Variants in ADGRL2 observed in about 807,000 individuals in gnomAD.
ADGRL2 encodes the protein calcium-independent alpha-latrotoxin receptor 2.
Under a neutral mutation model 157.4 loss-of-function variants are expected in ADGRL2, and 44 were observed. The observed-to-expected ratio is 0.28, with a 90% CI of 0.22 to 0.36. The LOEUF (loss-of-function observed/expected upper bound fraction) is 0.36. ADGRL2 is among the 10% of genes least tolerant of loss of function. ADGRL2 has a pLI of 1.00. For synonymous variants in ADGRL2, 585 were observed against 624.7 expected (o/e 0.94, Z 0.95); for missense variants, 1,510 against 1,768.9 (o/e 0.85, Z 2.63).
At chr1:81,883,994 C>CT (rs11330228) in intron 2 of ADGRL2, among the ~76,000 whole-genome samples, 5 of 145,138 alleles carry the variant, frequency 3.4e-5, no homozygotes, top group South Asian at 2.2e-4. Flanking sequence ...ATGAAATTGT[C>CT]TTTTTTTTTT....
intron 1 of ADGRL2, among the ~76,000 whole-genome samples, chr1:81,396,918 A>T (rs2076664873): frequency 6.6e-6 from 1 of 152,080 alleles, no homozygotes; most frequent in Admixed American, 6.6e-5. Flanking sequence ...TCTATCAGGG[A>T]TGTTGGCCTC....
intron 3 of ADGRL2, among the ~76,000 whole-genome samples, chr1:81,646,810 A>G (rs990036712): frequency 2.6e-5 from 4 of 152,168 alleles, no homozygotes; most frequent in Non-Finnish European, 5.9e-5. Flanking sequence ...AGGCCCTGCC[A>G]TGCCAGCCTC....
chr1:81,914,716 C>G (rs1291105998), intron 3 of ADGRL2, among the ~76,000 whole-genome samples: 1 of 152,168 alleles, frequency 6.6e-6, no homozygotes. Flanking sequence ...TACTAATTCT[C>G]TCACTCGTGG....
At position 81,630,785 on chromosome 1, in the gene ADGRL2, G is replaced by A. The variant is rs113883082; in HGVS notation, c.-143+49805G>A. Reference sequence around the variant, plus strand: ...GCAATCATAAAAATAATTATATGAAGTGGCAAAAACCCTGTCAACTATGCT... The same window carrying A: ...GCAATCATAAAAATAATTATATGAAATGGCAAAAACCCTGTCAACTATGCT... On this transcript the variant is annotated intron_variant, in intron 3 of 24. Coordinates refer to the ADGRL2 transcript ENST00000370721. 5.8e-3 allele frequency among the ~76,000 whole-genome samples: 880 copies of A among 152,220 alleles called. 4 individuals carry two copies. The highest frequency in any genetic ancestry group is 0.014 in the Middle Eastern group (4 of 294).
intron 1 of ADGRL2, among the ~76,000 whole-genome samples, chr1:81,801,538 CTG>C (rs1378266264): frequency 5.3e-5 from 8 of 152,366 alleles, no homozygotes; most frequent in Admixed American, 1.3e-4. Context: ...CTCCCCTCCG[CTG>C]CTGTGTGTGG....
intron 2 of ADGRL2, among the ~76,000 whole-genome samples, chr1:81,867,833 C>T (rs796798884): frequency 1.3e-5 from 2 of 151,976 alleles, no homozygotes; most frequent in Admixed American, 6.6e-5. Context: ...GATTTTATTT[C>T]GTTTTCTGTT....
At chr1:81,945,342 T>C (rs1449440430) in intron 6 of ADGRL2, among the ~76,000 whole-genome samples, 2 of 152,132 alleles carry the variant, frequency 1.3e-5, no homozygotes, top group East Asian at 3.8e-4. Context: ...GTTAACCTTT[T>C]TGTAGCCTGT....
chr1:81,639,222 C>A (rs1031892576), intron 3 of ADGRL2, among the ~76,000 whole-genome samples: 2 of 151,458 alleles, frequency 1.3e-5, no homozygotes, highest in African/African-American at 4.8e-5. Flanking sequence ...AGGCACCCAC[C>A]ACTATGCCTG....
chr1:81,337,849 C>T (rs1411918981), intron 1 of ADGRL2, among the ~76,000 whole-genome samples: 1 of 152,070 alleles, frequency 6.6e-6, no homozygotes, highest in Non-Finnish European at 1.5e-5. Context: ...GTTAAGTGCA[C>T]TTTGAATTCT....
chr1:81,516,705 G>A (rs2148128681), intron 2 of ADGRL2, among the ~76,000 whole-genome samples: 1 of 152,348 alleles, frequency 6.6e-6, no homozygotes, highest in African/African-American at 2.4e-5. Context: ...TGAGTAACTA[G>A]GAAATGCAAT....
intron 2 of ADGRL2, among the ~76,000 whole-genome samples, chr1:81,776,858 T>C (rs1179961961): frequency 6.6e-6 from 1 of 152,160 alleles, no homozygotes; most frequent in Non-Finnish European, 1.5e-5. Flanking sequence ...CTCAGACTCA[T>C]TTTTCTTATC....
At position 81,990,882 on chromosome 1, in the gene ADGRL2, A is replaced by G; in HGVS notation, c.4147A>G (p.Thr1383Ala). ...LQSPNRDSLY[T>A]SMPNLRDSPY... ...GTCCCCCAACAGAGACTCTCTTTATACAAGCATGCCCAATCTTAGAGACTC... is the reference window on the plus strand; with the variant it reads ...GTCCCCCAACAGAGACTCTCTTTATGCAAGCATGCCCAATCTTAGAGACTC... Residue 1383 changes from threonine to alanine, a missense_variant, in exon 24 of 24, where the codon ACA becomes GCA. By Grantham distance (58) the Thr-to-Ala change is moderately conservative. This residue lies in a region of ADGRL2 where 327 missense variants were observed against 310.1 expected (regional missense o/e 1.05). Coordinates refer to ENST00000686636, the MANE Select transcript of ADGRL2 (RefSeq NM_001366006.2). 6.2e-7 allele frequency: 1 copy of G among 1,614,084 alleles called. No individual in the cohort carries two copies. Among genetic ancestry groups the G allele is most frequent in the Non-Finnish European group, 8.5e-7 (1 of 1,180,012 alleles).
chr1:81,700,045 G>A (rs2083529292), intron 1 of ADGRL2, among the ~76,000 whole-genome samples: 1 of 152,194 alleles, frequency 6.6e-6, no homozygotes, highest in Non-Finnish European at 1.5e-5. Context: ...TGAGGAAGAT[G>A]GTGAGCTGTG....
At chr1:81,946,319 A>G (rs755250192) in intron 6 of ADGRL2, among the ~76,000 whole-genome samples, 4 of 148,408 alleles carry the variant, frequency 2.7e-5, no homozygotes, top group East Asian at 2.0e-4. Flanking sequence ...AAGCACACGC[A>G]TATTATTTTT....
intron 1 of ADGRL2, among the ~76,000 whole-genome samples, chr1:81,802,101 C>A (rs1269288210): frequency 6.7e-6 from 1 of 150,184 alleles, no homozygotes; most frequent in African/African-American, 2.4e-5. Flanking sequence ...CGCGCGGACT[C>A]GGCGGCCGAG....
upstream of ADGRL2, among the ~76,000 whole-genome samples, chr1:81,699,564 C>T (rs532301381): frequency 6.6e-6 from 1 of 152,282 alleles, no homozygotes; most frequent in Admixed American, 6.5e-5. Flanking sequence ...CTGATCACAG[C>T]CACACCCAAC....
intron 1 of ADGRL2, among the ~76,000 whole-genome samples, chr1:81,744,160 G>A (rs958388574): frequency 1.3e-5 from 2 of 152,100 alleles, no homozygotes; most frequent in Admixed American, 6.6e-5. Context: ...AGTATTCTAT[G>A]AGCAGACAAA....
At chr1:81,771,534 T>C (rs2086368207) in intron 2 of ADGRL2, among the ~76,000 whole-genome samples, 1 of 152,146 alleles carries the variant, frequency 6.6e-6, no homozygotes, top group Admixed American at 6.5e-5. Context: ...TACTTCAATG[T>C]ATAACTAAAG....
intron 2 of ADGRL2, among the ~76,000 whole-genome samples, chr1:81,480,091 T>C (rs932646236): frequency 3.9e-5 from 6 of 152,172 alleles, no homozygotes; most frequent in African/African-American, 7.2e-5. Flanking sequence ...GTCTCTGTTA[T>C]ACAGCACAAG....
Sources: allele counts gnomAD v4.1 joint callset (sites outside exome capture counted in the v4.1 genomes callset), GRCh38; gene constraint gnomAD v4.1.1; regional missense constraint gnomAD v4.1.1; transcripts MANE v1.5; gene names NCBI Gene and HGNC (gene_info 2026-07-23, HGNC 2026-07-21).